TLN2: variants seen among roughly 807,000 people sequenced by gnomAD.
The protein encoded by TLN2 is talin-2.
TLN2 carries 118 observed loss-of-function variants against 294.7 expected under a neutral mutation model. That is an observed-to-expected ratio of 0.40 (90% confidence interval 0.34 to 0.47). TLN2 has a LOEUF of 0.47. TLN2 is among the 20% of genes least tolerant of loss of function. The probability of loss-of-function intolerance (pLI) is 0.84; values close to 1 mark genes in which losing one functional copy is unlikely to be tolerated. For missense variants in TLN2, 3,083 were observed against 3,282.2 expected, an observed-to-expected ratio of 0.94 and a Z score of 1.48; for synonymous variants, 1,431 against 1,304.5, an observed-to-expected ratio of 1.10 and a Z score of -2.09.
At position 62,657,895 on chromosome 15, in the gene TLN2, T is replaced by TA; in HGVS notation, c.786dup (p.Asp263ArgfsTer17). ...GAACATAAACACAAACCTGGATTTTTAGAGTAAATGACATTTTGTTTCTCT... is the reference window on the plus strand; with the variant it reads ...GAACATAAACACAAACCTGGATTTTTAAGAGTAAATGACATTTTGTTTCTCT... On this transcript the variant is annotated frameshift_variant, in exon 9 of 59. Transcript: ENST00000636159. LOFTEE classifies it high-confidence loss of function. 6.2e-7 allele frequency: 1 copy of TA among 1,611,372 alleles called. No homozygotes were observed. Among genetic ancestry groups the TA allele is most frequent in the Non-Finnish European group, 8.5e-7 (1 of 1,179,208 alleles).
chr15:62,504,852 A>T (rs867582223), intron 1 of TLN2, among the ~76,000 whole-genome samples: 19,005 of 126,718 alleles, frequency 0.15, 1,299 homozygotes, highest in African/African-American at 0.22. Flanking sequence ...TGTGTGAGAG[A>T]GAGAGAGAGA....
chr15:62,777,198 C>G (rs1013093172), intron 43 of TLN2, among the ~76,000 whole-genome samples: 3 of 150,722 alleles, frequency 2.0e-5, no homozygotes, highest in Non-Finnish European at 3.0e-5. Flanking sequence ...TTATCTACTT[C>G]ATAGGGTTTG....
chr15:62,716,740 G>T (rs887957653), intron 23 of TLN2, among the ~76,000 whole-genome samples: 2 of 152,050 alleles, frequency 1.3e-5, no homozygotes, highest in East Asian at 3.9e-4. Context: ...ATTCAAGAAG[G>T]ACCTTTTGCT....
intron 2 of TLN2, among the ~76,000 whole-genome samples, chr15:62,595,228 C>T (rs1364520264): frequency 6.6e-6 from 1 of 151,980 alleles, no homozygotes; most frequent in African/African-American, 2.4e-5. Context: ...TGAGACCAGC[C>T]TGGCCACATG....
chr15:62,807,701 C>T lies in TLN2; in HGVS notation c.6663+1916C>T, dbSNP rs372088987. ...TAGAACAGTGTGGGTGCTATTTGCC[C>T]ATCCTCAGCCCCTCTCTGTCATCTC... On this transcript the variant is annotated intron_variant, in intron 51 of 58. Transcript: ENST00000636159. Among the ~76,000 whole-genome samples the T allele has an allele frequency of 2.0e-4, 31 of 152,276 alleles. No homozygotes were observed. The East Asian group carries it at 4.6e-3, about 23-fold the overall frequency.
intron 58 of TLN2, 63 bp downstream of exon 58, chr15:62,839,044 C>G (rs2070229971): frequency 2.2e-6 from 3 of 1,381,474 alleles, no homozygotes; most frequent in Non-Finnish European, 2.9e-6. Flanking sequence ...ATAACAGAGA[C>G]AAAAGAATAG....
At chr15:62,707,924 T>C (rs2059171196) in intron 20 of TLN2, among the ~76,000 whole-genome samples, 1 of 152,132 alleles carries the variant, frequency 6.6e-6, no homozygotes, top group Non-Finnish European at 1.5e-5. Flanking sequence ...TTTCTGGAAT[T>C]GATGGCCTGT....
At chr15:62,802,335 T>C (rs528618432) in intron 50 of TLN2, among the ~76,000 whole-genome samples, 1 of 152,124 alleles carries the variant, frequency 6.6e-6, no homozygotes, top group Non-Finnish European at 1.5e-5. Flanking sequence ...CCATTGTGTA[T>C]GTGTACCACA....
intron 1 of TLN2, among the ~76,000 whole-genome samples, chr15:62,413,623 A>G (rs577427265): frequency 6.6e-6 from 1 of 152,338 alleles, no homozygotes; most frequent in Admixed American, 6.5e-5. Flanking sequence ...GCGTGAATTT[A>G]TATGCTATTG....
chr15:62,394,099 C>G (rs1358981633), intron 1 of TLN2, among the ~76,000 whole-genome samples: 1 of 152,192 alleles, frequency 6.6e-6, no homozygotes, highest in East Asian at 1.9e-4. Context: ...ATCATCATAA[C>G]TTCATGGCTT....
intron 1 of TLN2, among the ~76,000 whole-genome samples, chr15:62,586,728 C>A (rs2045642886): frequency 6.6e-6 from 1 of 152,184 alleles, no homozygotes; most frequent in African/African-American, 2.4e-5. Context: ...CAAGAAATGG[C>A]CCATCTGTAC....
chr15:62,591,534 T>A (rs1383707684), intron 2 of TLN2, among the ~76,000 whole-genome samples: 1 of 152,178 alleles, frequency 6.6e-6, no homozygotes, highest in Non-Finnish European at 1.5e-5. Flanking sequence ...GAACATCCAG[T>A]TTAGCTTTGA....
chr15:62,702,084 T>C lies in TLN2; in HGVS notation c.1789T>C (p.Leu597=), dbSNP rs1375935260. ...LTEMSKGVKL[L]AALMDDEVGS... is the part of the protein sequence containing the mutation. ...GGAGATGTCCAAGGGTGTGAAGCTA[T>C]TGGCCGCCCTCATGGATGATGAGGT... Residue 597 remains leucine, a synonymous_variant, in exon 18 of 59, where the codon TTG becomes CTG. Transcript: ENST00000636159. 6.2e-7 allele frequency: 1 copy of C among 1,614,222 alleles called. No homozygotes were observed. Among genetic ancestry groups the C allele is most frequent in the South Asian group, 1.1e-5 (1 of 91,082 alleles).
At chr15:62,505,257 A>G (rs1005824680) in intron 1 of TLN2, among the ~76,000 whole-genome samples, 1 of 152,124 alleles carries the variant, frequency 6.6e-6, no homozygotes, top group Admixed American at 6.5e-5. Flanking sequence ...GTGCTCGGCC[A>G]AAAACATGTT....
intron 3 of TLN2, among the ~76,000 whole-genome samples, chr15:62,646,135 C>T (rs559269927): frequency 6.7e-6 from 1 of 150,334 alleles, no homozygotes; most frequent in South Asian, 2.2e-4. Flanking sequence ...ACCTGTGTCT[C>T]GTCTCATCTC....
At chr15:62,486,669 C>T (rs2038419069) in intron 1 of TLN2, among the ~76,000 whole-genome samples, 1 of 152,048 alleles carries the variant, frequency 6.6e-6, no homozygotes, top group Non-Finnish European at 1.5e-5. Context: ...TGCCTCATTA[C>T]TGGAGACATT....
chr15:62,615,061 T>C (rs7172868), intron 2 of TLN2, among the ~76,000 whole-genome samples: 66,464 of 151,670 alleles, frequency 0.44, 14,769 homozygotes, highest in East Asian at 0.57. Context: ...CTGCCTCGGC[T>C]TCCCAAAGTG....
chr15:62,768,117 G>A (rs893940878), intron 41 of TLN2, among the ~76,000 whole-genome samples: 2 of 152,158 alleles, frequency 1.3e-5, no homozygotes, highest in African/African-American at 2.4e-5. Flanking sequence ...TGCAGTGCTC[G>A]TGTGGGGCCC....
chr15:62,625,256 G>T (rs2049178794), intron 3 of TLN2, among the ~76,000 whole-genome samples: 1 of 152,098 alleles, frequency 6.6e-6, no homozygotes, highest in Admixed American at 6.5e-5. Flanking sequence ...GGTTACTCAA[G>T]GCTGAATGAA....
Sources: gnomAD v4.1 joint callset for allele counts (sites outside exome capture counted in the v4.1 genomes callset) on GRCh38, gnomAD v4.1.1 for gene constraint, MANE v1.5 for transcripts, NCBI Gene and HGNC (gene_info 2026-07-23, HGNC 2026-07-21) for gene names.